PPEF1: variants seen among roughly 807,000 people sequenced by gnomAD.
The protein encoded by PPEF1 is serine/threonine-protein phosphatase with EF-hands 1.
A neutral mutation model predicts 53.3 loss-of-function variants in PPEF1; 12 were observed. The ratio of observed to expected loss-of-function variants is 0.23; its 90% CI spans 0.14 to 0.36. The LOEUF (loss-of-function observed/expected upper bound fraction) is 0.36, where lower values mean the gene tolerates loss of function less well. PPEF1 is among the 10% of genes least tolerant of loss of function. The pLI is 1.00. For missense variants in PPEF1, 334 were observed against 490.4 expected, an observed-to-expected ratio of 0.68 and a Z score of 3.01; for synonymous variants, 165 against 176.7, an observed-to-expected ratio of 0.93 and a Z score of 0.52.
chrX:18,816,508 T>C (rs1436209490), intron 12 of PPEF1, among the ~76,000 whole-genome samples: 1 of 111,891 alleles, frequency 8.9e-6, no homozygotes, highest in Non-Finnish European at 1.9e-5. Flanking sequence ...GTAATTCTCT[T>C]GTTGTTGGGT....
chrX:18,726,390 A>G (rs1293855790), intron 1 of PPEF1, among the ~76,000 whole-genome samples: 1 of 109,994 alleles, frequency 9.1e-6, no homozygotes, highest in African/African-American at 3.3e-5. Flanking sequence ...AAATAAATAA[A>G]TAAATGGCGG....
intron 1 of PPEF1, among the ~76,000 whole-genome samples, chrX:18,724,975 C>T (rs182537469): frequency 3.6e-5 from 4 of 111,205 alleles, no homozygotes; most frequent in African/African-American, 1.3e-4. Context: ...CTCCTTCCCT[C>T]TCCTGGAGAG....
intron 8 of PPEF1, among the ~76,000 whole-genome samples, chrX:18,782,792 G>C (rs767461925): frequency 1.8e-5 from 2 of 110,785 alleles, no homozygotes; most frequent in Non-Finnish European, 3.8e-5. Flanking sequence ...CTGGGAGACC[G>C]CGTGGGGAAG....
intron 12 of PPEF1, among the ~76,000 whole-genome samples, chrX:18,817,067 C>CGTGTGTGT (rs1391352242): frequency 0.026 from 1,276 of 49,133 alleles, 21 homozygotes; most frequent in African/African-American, 0.067. Flanking sequence ...ATCATTTTGC[C>CGTGTGTGT]ATGTGTGTGT....
chrX:18,701,121 C>T (rs1930087590), intron 6 of PPEF1, among the ~76,000 whole-genome samples: 1 of 112,077 alleles, frequency 8.9e-6, no homozygotes, highest in East Asian at 2.8e-4. Flanking sequence ...TGACAGTGAA[C>T]TGAAATAATA....
intron 1 of PPEF1, among the ~76,000 whole-genome samples, chrX:18,722,912 T>C (rs1472637238): frequency 9.0e-6 from 1 of 111,526 alleles, no homozygotes; most frequent in Non-Finnish European, 1.9e-5. Flanking sequence ...TGCATGCACC[T>C]CAGTTGGCCG....
intron 6 of PPEF1, among the ~76,000 whole-genome samples, chrX:18,767,200 A>G (rs1159039251): frequency 9.0e-6 from 1 of 111,140 alleles, no homozygotes; most frequent in Non-Finnish European, 1.9e-5. Context: ...GGATGTTTAG[A>G]CTGATGAGCC....
chrX:18,711,032 A>G (rs775288366), intron 1 of PPEF1, among the ~76,000 whole-genome samples: 1 of 105,284 alleles, frequency 9.5e-6, no homozygotes, highest in East Asian at 3.0e-4. Context: ...GTGTGTATAT[A>G]TACGTATATA....
At chrX:18,679,623 A>G (rs1176383886), upstream of PPEF1, among the ~76,000 whole-genome samples, 3 of 111,545 alleles carry the variant, frequency 2.7e-5, no homozygotes, top group East Asian at 8.4e-4. Context: ...TTGGCCTTTC[A>G]GCTTCTGCCC....
At chrX:18,742,301 A>G (rs2045194522) in intron 3 of PPEF1, among the ~76,000 whole-genome samples, 1 of 111,640 alleles carries the variant, frequency 9.0e-6, no homozygotes, top group African/African-American at 3.3e-5. Context: ...TTTTGGTAAA[A>G]TATGTATGCA....
At chrX:18,791,284 G>A (rs1158101710) in intron 10 of PPEF1, among the ~76,000 whole-genome samples, 2 of 111,601 alleles carry the variant, frequency 1.8e-5, no homozygotes, top group Non-Finnish European at 3.8e-5. Context: ...AAAGCAGCTG[G>A]GATATTGGTA....
intron 3 of PPEF1, among the ~76,000 whole-genome samples, chrX:18,740,490 AC>A (rs2045126278): frequency 1.9e-5 from 2 of 108,008 alleles, no homozygotes; most frequent in Admixed American, 2.0e-4. Flanking sequence ...GCTCACTGCA[AC>A]CTCTGCCTCC....
chrX:18,801,183 C>G (rs2046538904), intron 10 of PPEF1, among the ~76,000 whole-genome samples: 1 of 111,685 alleles, frequency 9.0e-6, no homozygotes, highest in Non-Finnish European at 1.9e-5. Context: ...CCTTGGCTGA[C>G]TCTTCTTTGG....
chrX:18,746,102 A>G (rs1474756570), intron 3 of PPEF1, among the ~76,000 whole-genome samples: 1 of 111,913 alleles, frequency 8.9e-6, no homozygotes, highest in Non-Finnish European at 1.9e-5. Context: ...CAACTTGTAA[A>G]GGTATCATTT....
At chrX:18,703,198 T>C (rs1229258492), upstream of PPEF1, among the ~76,000 whole-genome samples, 2 of 111,366 alleles carry the variant, frequency 1.8e-5, no homozygotes, top group Non-Finnish European at 3.8e-5. Flanking sequence ...GTAAGTGGCA[T>C]CTTGCTTTAA....
At chrX:18,784,434 C>T (rs202211280) in intron 9 of PPEF1, among the ~76,000 whole-genome samples, 1 of 110,669 alleles carries the variant, frequency 9.0e-6, no homozygotes, top group South Asian at 3.8e-4. Context: ...GTGTATAGTT[C>T]AGAGGTATTA....
At chrX:18,694,317 G>C (rs1049161553) in intron 4 of PPEF1, among the ~76,000 whole-genome samples, 30 of 111,411 alleles carry the variant, frequency 2.7e-4, no homozygotes, top group Non-Finnish European at 9.4e-5. Flanking sequence ...GATTGCTGTC[G>C]TATGGTAAGT....
At chrX:18,715,259 C>T (rs2044427950) in intron 1 of PPEF1, among the ~76,000 whole-genome samples, 1 of 111,076 alleles carries the variant, frequency 9.0e-6, no homozygotes, top group Non-Finnish European at 1.9e-5. Flanking sequence ...AGACCAGGCA[C>T]AGTGGCTCAC....
At chrX:18,686,252 T>C (rs2147230699) in intron 3 of PPEF1, 1 of 111,434 alleles carries the variant, frequency 9.0e-6, no homozygotes, top group East Asian at 2.8e-4. Context: ...ATCCAGAGAC[T>C]AAGGATGGAG....
Sources: allele counts gnomAD v4.1 joint callset (sites outside exome capture counted in the v4.1 genomes callset), GRCh38; gene constraint gnomAD v4.1.1; transcripts MANE v1.5; gene names NCBI Gene and HGNC (gene_info 2026-07-23, HGNC 2026-07-21).